LEPROTL1: variants seen among roughly 807,000 people sequenced by gnomAD.
The protein encoded by LEPROTL1 is leptin receptor overlapping transcript-like 1.
In LEPROTL1, 6 loss-of-function variants were observed where a neutral mutation model predicts 15.4. That is an observed-to-expected ratio of 0.39 (90% CI 0.21 to 0.77). LEPROTL1 has a LOEUF of 0.77. Among genes scored for constraint, LEPROTL1 ranks in the 30% least tolerant of loss-of-function variants. The probability of loss-of-function intolerance (pLI) is 0.41; values close to 1 mark genes in which losing one functional copy is unlikely to be tolerated. For missense variants in LEPROTL1, 128 were observed against 158.1 expected (o/e 0.81, Z 1.02); for synonymous variants, 56 against 52.6 (o/e 1.06, Z -0.28).
At chr8:30,105,657 T>C (rs572098554) in intron 3 of LEPROTL1, 89 bp from the exon 4 acceptor site, 1 of 1,022,796 alleles carries the variant, frequency 9.8e-7, no homozygotes, top group South Asian at 1.4e-5. Flanking sequence ...TTTTAGATCA[T>C]AATTGGGATA....
Position 30,122,040 on chromosome 8 carries a change from G to A in LEPROTL1, c.280-10335G>A, listed in dbSNP as rs1039639394. On this transcript the variant is annotated intron_variant, in intron 3 of 4. Transcript: ENST00000442880. ...AAATTAGCTGTACGTGGTGGCACGC[G>A]CCTGTAATCCCAGCTACTCAAGAGG... is the stretch of plus-strand genomic sequence containing the variant. 4.0e-5 allele frequency among the ~76,000 whole-genome samples: 6 copies of A among 151,812 alleles called. No individual in the cohort carries two copies. The East Asian group carries it at 7.8e-4, about 20-fold the overall frequency.
At chr8:30,109,234 A>G (rs1312518740), downstream of LEPROTL1, among the ~76,000 whole-genome samples, 2 of 152,238 alleles carry the variant, frequency 1.3e-5, no homozygotes, top group Non-Finnish European at 2.9e-5. Context: ...AGATCCCAGG[A>G]TGCTTTATGA....
chr8:30,126,502 C>G (rs1320582972), intron 3 of LEPROTL1, among the ~76,000 whole-genome samples: 2 of 152,156 alleles, frequency 1.3e-5, no homozygotes, highest in East Asian at 3.9e-4. Flanking sequence ...ATAGATGAAT[C>G]AACAGACTGA....
exon 5 of LEPROTL1, chr8:30,137,275 G>C (rs1241089093): frequency 1.3e-6 from 2 of 1,551,226 alleles, no homozygotes; most frequent in South Asian, 2.4e-5. Context: ...TTTCTAGATG[G>C]GGCGCCTACC....
exon 5 of LEPROTL1, chr8:30,137,520 C>G: frequency 1.3e-6 from 2 of 1,506,216 alleles, no homozygotes; most frequent in Non-Finnish European, 1.8e-6. Context: ...TGCTCAGTGC[C>G]AGACACTGCA....
At chr8:30,132,853 A>G in intron 4 of LEPROTL1, 1 of 1,551,286 alleles carries the variant, frequency 6.4e-7, no homozygotes, top group Non-Finnish European at 8.7e-7. Flanking sequence ...GTCCAGAGAG[A>G]GGGACGTGAC....
intron 3 of LEPROTL1, among the ~76,000 whole-genome samples, chr8:30,127,971 A>G (rs961403987): frequency 6.6e-6 from 1 of 152,154 alleles, no homozygotes; most frequent in African/African-American, 2.4e-5. Context: ...TGGAAGTAAT[A>G]GAGTGGGTAA....
intron 3 of LEPROTL1, among the ~76,000 whole-genome samples, chr8:30,128,241 G>C (rs1360018785): frequency 6.6e-6 from 1 of 152,166 alleles, no homozygotes; most frequent in African/African-American, 2.4e-5. Flanking sequence ...CTACTGTCCA[G>C]AGAAATGAAT....
chr8:30,128,107 A>G (rs1244110566), intron 3 of LEPROTL1, among the ~76,000 whole-genome samples: 4 of 152,278 alleles, frequency 2.6e-5, no homozygotes, highest in East Asian at 3.9e-4. Context: ...GTTTCTGCCC[A>G]TCTTGGATCC....
chr8:30,121,974 T>C (rs1036651090), intron 3 of LEPROTL1, among the ~76,000 whole-genome samples: 2 of 152,038 alleles, frequency 1.3e-5, no homozygotes, highest in African/African-American at 4.8e-5. Flanking sequence ...GAGACCAGCC[T>C]GGCCAACATG....
At position 30,108,148 on chromosome 8, in the gene LEPROTL1, G is replaced by A. The variant is rs1802600631; in HGVS notation, c.*2286G>A. On this transcript the variant is annotated 3_prime_UTR_variant, in exon 4 of 4. Transcript: ENST00000321250. ...TGCATTAACATTCTAATAAGGTGAT[G>A]TAAAGCAAGATGACATTGGTGTAAT... The A allele has an allele frequency of 2.8e-6, 1 of 358,592 alleles. No individual in the cohort carries two copies. Among genetic ancestry groups the A allele is most frequent in the Non-Finnish European group, 3.9e-6 (1 of 257,150 alleles). 22.2% of individuals were successfully genotyped at this position (358,592 alleles called of 1,614,324 possible).
chr8:30,130,845 T>C (rs1585479798), intron 3 of LEPROTL1, among the ~76,000 whole-genome samples: 1 of 148,860 alleles, frequency 6.7e-6, no homozygotes, highest in Non-Finnish European at 1.5e-5. Context: ...AGTGGTGTGA[T>C]CTCGGCTTAC....
Position 30,097,698 on chromosome 8 carries a change from T to TATAC in LEPROTL1, c.16+2171_16+2172insTACA, listed in dbSNP as rs748266837. On this transcript the variant is annotated intron_variant, in intron 1 of 3. Coordinates refer to ENST00000321250, the MANE Select transcript of LEPROTL1 (RefSeq NM_015344.3). ...AAAAAAAAAAAAATATATATATATA[T>TATAC]ACACACACACACACACACACACACA... is the stretch of plus-strand genomic sequence containing the variant. Among the ~76,000 whole-genome samples, 359 of 108,768 alleles carry TATAC rather than the reference T, an allele frequency of 3.3e-3. 4 individuals carry two copies. Among genetic ancestry groups the TATAC allele is most frequent in the African/African-American group, 0.012 (335 of 28,182 alleles). 71.4% of individuals were successfully genotyped at this position (108,768 alleles called of 152,430 possible).
Position 30,095,501 on chromosome 8 carries a change from G to T in LEPROTL1, c.-12G>T, listed in dbSNP as rs1227049773. On this transcript the variant is annotated 5_prime_UTR_variant, in exon 1 of 4. Transcript: ENST00000321250. The stretch of plus-strand genomic sequence containing the variant: ...CGCCTCGGGTCGTGGAGCCAGGAGC[G>T]ACGTCACCGCCATGGCAGGCATCAA... The T allele has an allele frequency of 2.1e-6, 3 of 1,461,774 alleles. No individual in the cohort carries two copies. The highest frequency in any genetic ancestry group is 3.0e-5 in the East Asian group (1 of 32,812). 90.6% of individuals were successfully genotyped at this position (1,461,774 alleles called of 1,614,324 possible). A position where few individuals can be genotyped will look rare whatever the true frequency, so the allele number is the denominator to read the frequency against.
chr8:30,123,675 A>G (rs1802864758), intron 3 of LEPROTL1, among the ~76,000 whole-genome samples: 1 of 152,232 alleles, frequency 6.6e-6, no homozygotes, highest in Admixed American at 6.5e-5. Context: ...CATGGTTCCC[A>G]TGTCTATACT....
chr8:30,112,139 A>G (rs1802660574), downstream of LEPROTL1, among the ~76,000 whole-genome samples: 2 of 152,218 alleles, frequency 1.3e-5, no homozygotes, highest in South Asian at 2.1e-4. Context: ...CTGGTTCATC[A>G]TATCCACCTG....
In LEPROTL1 at chr8:30,107,921, A is replaced by C. The variant is rs1386191797; in HGVS notation, c.*2059A>C. The C allele has an allele frequency of 2.0e-6, 2 of 985,220 alleles. No individual in the cohort carries two copies. The highest frequency in any genetic ancestry group is 6.1e-5 in the Admixed American group (1 of 16,270). The allele number at this position is 985,220 out of a possible 1,614,324, so 61.0% of individuals were successfully genotyped here. On this transcript the variant is annotated 3_prime_UTR_variant, in exon 4 of 4. Coordinates refer to ENST00000321250, the MANE Select transcript of LEPROTL1 (RefSeq NM_015344.3). ...CAGCATTGTGTCTTTGACCTTGTAT[A>C]CTAGCTTGACATAGTGCTGTCTCTG...
chr8:30,114,307 T>C (rs2062787), intron 3 of LEPROTL1, among the ~76,000 whole-genome samples: 130,152 of 151,528 alleles, frequency 0.86, 57,046 homozygotes, highest in South Asian at 0.98. Context: ...TTTTATTTTT[T>C]TGAGATGGAG....
chr8:30,105,543 A>G (rs1802549474), intron 3 of LEPROTL1, among the ~76,000 whole-genome samples: 2 of 148,044 alleles, frequency 1.4e-5, no homozygotes, highest in African/African-American at 2.5e-5. Flanking sequence ...GTATATATTT[A>G]TATATATTTA....
Sources: gnomAD v4.1 joint callset for allele counts (sites outside exome capture counted in the v4.1 genomes callset) on GRCh38, gnomAD v4.1.1 for gene constraint, MANE v1.5 for transcripts, NCBI Gene and HGNC (gene_info 2026-07-23, HGNC 2026-07-21) for gene names.